AKR1A1: variants seen among roughly 807,000 people sequenced by gnomAD.
AKR1A1 encodes HEL-S-165mP.
Under a neutral mutation model 39.2 loss-of-function variants are expected in AKR1A1, and 26 were observed. That is an observed-to-expected ratio of 0.66 (90% CI 0.49 to 0.92). AKR1A1 has a LOEUF of 0.92. Ranked by LOEUF, AKR1A1 falls within the 40% of genes least tolerant of loss-of-function variation. AKR1A1 has a pLI of 0.00. For missense variants in AKR1A1, 378 were observed against 406.5 expected (o/e 0.93, Z 0.60); for synonymous variants, 141 against 155.5 (o/e 0.91, Z 0.69).
At chr1:45,564,206 C>G (rs534829367) in intron 2 of AKR1A1, among the ~76,000 whole-genome samples, 7 of 152,166 alleles carry the variant, frequency 4.6e-5, no homozygotes, top group Non-Finnish European at 7.3e-5. Flanking sequence ...GTGCTTTAGG[C>G]AGGCACTTCT....
At chr1:45,567,813 C>T (rs1299263239) in intron 4 of AKR1A1, 169 bp from the exon 5 acceptor site, 9 of 604,936 alleles carry the variant, frequency 1.5e-5, no homozygotes, top group Admixed American at 6.4e-5. Flanking sequence ...GGCGGTAAAG[C>T]GAGACTCCAT....
intron 2 of AKR1A1, among the ~76,000 whole-genome samples, chr1:45,565,523 A>G (rs1295923606): frequency 6.6e-6 from 1 of 150,910 alleles, no homozygotes; most frequent in East Asian, 2.0e-4. Flanking sequence ...GCCCAGGATG[A>G]AGTGCAGTGG....
intron 1 of AKR1A1, among the ~76,000 whole-genome samples, 159 bp downstream of exon 1, chr1:45,551,314 T>A (rs929891208): frequency 2.0e-5 from 3 of 147,530 alleles, no homozygotes; most frequent in Admixed American, 6.7e-5. Context: ...CTCTGTATGA[T>A]CTCTTGCTAA....
At chr1:45,564,167 C>T (rs1261905415) in intron 2 of AKR1A1, among the ~76,000 whole-genome samples, 3 of 152,130 alleles carry the variant, frequency 2.0e-5, no homozygotes, top group African/African-American at 7.2e-5. Flanking sequence ...TTTCCTATAG[C>T]TGCCAAGGAG....
chr1:45,555,821 T>C (rs1644194822), intron 1 of AKR1A1, among the ~76,000 whole-genome samples: 1 of 152,094 alleles, frequency 6.6e-6, no homozygotes, highest in African/African-American at 2.4e-5. Flanking sequence ...CCTAAACTGT[T>C]TCCTCTGTAC....
chr1:45,559,466 G>A (rs1212956688), intron 1 of AKR1A1, among the ~76,000 whole-genome samples: 1 of 151,912 alleles, frequency 6.6e-6, no homozygotes, highest in Admixed American at 6.6e-5. Context: ...TAACTCTTGG[G>A]AATTCTTAAA....
chr1:45,567,923 C>A, intron 4 of AKR1A1, 59 bp from the exon 5 acceptor site: 1 of 1,475,692 alleles, frequency 6.8e-7, no homozygotes, highest in South Asian at 1.3e-5. Context: ...GCTGGATGGG[C>A]AGGTAGGGTA....
intron 2 of AKR1A1, among the ~76,000 whole-genome samples, chr1:45,565,122 ATTTTTTT>A (rs11351880): frequency 1.9e-5 from 1 of 53,568 alleles, no homozygotes; most frequent in Non-Finnish European, 3.2e-5. Flanking sequence ...ACACCCAGCC[ATTTTTTT>A]TTTTTTTTTT....
intron 4 of AKR1A1, 54 bp from the exon 5 acceptor site, chr1:45,567,928 A>G (rs1353514837): frequency 2.0e-6 from 3 of 1,501,880 alleles, no homozygotes; most frequent in South Asian, 2.6e-5. Flanking sequence ...ATGGGCAGGT[A>G]GGGTAGAAGC....
Position 45,567,946 on chromosome 1 carries a change from T to C in AKR1A1, c.357-36T>C. On this transcript the variant is annotated intron_variant, in intron 4 of 8. Coordinates refer to ENST00000351829, the MANE Select transcript of AKR1A1 (RefSeq NM_153326.3). Reference sequence around the variant, plus strand: ...GGCAGGTAGGGTAGAAGCCTGGCATTTGTGTCCACACTTGGTGGGGCTGTC... The same window carrying C: ...GGCAGGTAGGGTAGAAGCCTGGCATCTGTGTCCACACTTGGTGGGGCTGTC... 1.9e-6 allele frequency: 3 copies of C among 1,566,510 alleles called. No individual in the cohort carries two copies. In the South Asian group the frequency reaches 3.5e-5, roughly 18 times the overall value.
chr1:45,561,853 G>A lies in AKR1A1; in HGVS notation c.59G>A (p.Gly20Asp). The A allele has an allele frequency of 6.2e-7, 1 of 1,614,148 alleles. No individual in the cohort carries two copies. The highest frequency in any genetic ancestry group is 8.5e-7 in the Non-Finnish European group (1 of 1,180,020). ...CAGAAGATGCCTCTGATTGGTCTGG[G>A]TACCTGGAAGAGTGAGCCTGGTCAG... The part of the protein sequence containing the change: ...TGQKMPLIGL[G>D]TWKSEPGQVK... The change falls in exon 2 of 9, where the codon GGT becomes GAT. Residue 20 changes from glycine (G) to aspartate (D), a missense_variant. Transcript: ENST00000351829.
chr1:45,568,754 T>G, intron 6 of AKR1A1, 70 bp downstream of exon 6: 1 of 1,585,978 alleles, frequency 6.3e-7, no homozygotes, highest in East Asian at 2.2e-5. Flanking sequence ...TATTTCAGTG[T>G]CTGGGTGAGG....
chr1:45,563,335 G>C (rs1003061994), intron 2 of AKR1A1, among the ~76,000 whole-genome samples: 2 of 152,136 alleles, frequency 1.3e-5, no homozygotes, highest in African/African-American at 4.8e-5. Context: ...GGGAGGCAGA[G>C]GTTGCAGTGA....
chr1:45,555,289 A>G (rs1391714985), intron 1 of AKR1A1, among the ~76,000 whole-genome samples: 1 of 152,188 alleles, frequency 6.6e-6, no homozygotes, highest in East Asian at 1.9e-4. Context: ...GGAGTTCGAG[A>G]CCAGCCTGAC....
chr1:45,561,937 A>G, intron 2 of AKR1A1, 59 bp downstream of exon 2: 2 of 1,543,372 alleles, frequency 1.3e-6, no homozygotes, highest in Admixed American at 3.4e-5. Flanking sequence ...TTTTCCTAGC[A>G]GCCCCACCCC....
At chr1:45,567,190 G>T in intron 4 of AKR1A1, 170 bp downstream of exon 4, 1 of 904,328 alleles carries the variant, frequency 1.1e-6, no homozygotes, top group East Asian at 2.6e-5. Flanking sequence ...CTTAGCTGTA[G>T]CTACAGGAGT....
intron 4 of AKR1A1, 30 bp downstream of exon 4, chr1:45,567,050 A>T: frequency 1.9e-6 from 3 of 1,609,334 alleles, no homozygotes; most frequent in Non-Finnish European, 2.5e-6. Flanking sequence ...CATCTGGGGA[A>T]TCAGGGGGTT....
chr1:45,561,643 A>C (rs1570903445), intron 1 of AKR1A1, 146 bp from the exon 2 acceptor site: 2 of 685,438 alleles, frequency 2.9e-6, no homozygotes, highest in East Asian at 5.5e-5. Flanking sequence ...ACCTCAGGTG[A>C]TCTGCCCGCC....
At chr1:45,568,346 G>C (rs955515436) in intron 5 of AKR1A1, 139 bp from the exon 6 acceptor site, 1 of 1,241,828 alleles carries the variant, frequency 8.1e-7, no homozygotes, top group Admixed American at 2.1e-5. Context: ...TGAAATTGCC[G>C]ATGGGAAATG....
Sources: allele counts gnomAD v4.1 joint callset (sites outside exome capture counted in the v4.1 genomes callset), GRCh38; gene constraint gnomAD v4.1.1; transcripts MANE v1.5; gene names NCBI Gene and HGNC (gene_info 2026-07-23, HGNC 2026-07-21).